ZNF326: variants seen among roughly 807,000 people sequenced by gnomAD.
The protein encoded by ZNF326 is DBIRD complex subunit ZNF326.
A neutral mutation model predicts 63.1 loss-of-function variants in ZNF326; 30 were observed. The observed-to-expected ratio is 0.48, with a 90% CI of 0.36 to 0.64. ZNF326 has a LOEUF of 0.64. Among genes scored for constraint, ZNF326 ranks in the 30% least tolerant of loss-of-function variants. ZNF326 has a pLI of 0.00. For synonymous variants in ZNF326, 194 were observed against 228.2 expected (o/e 0.85, Z 1.35); for missense variants, 609 against 720.3 (o/e 0.85, Z 1.77).
At position 90,033,370 on chromosome 1, in the gene ZNF326, A is replaced by G. The variant is rs1215644208; in HGVS notation, c.*5669A>G. ...AAAATACACAGCAAACTTAACAAGC[A>G]GAAAGAATTCCTGGGGAAACAATTC... On this transcript the variant is annotated 3_prime_UTR_variant, in exon 12 of 12. Coordinates refer to ENST00000340281, the MANE Select transcript of ZNF326 (RefSeq NM_182976.4). The G allele has an allele frequency of 6.6e-6, 1 of 152,184 alleles. No homozygotes were observed. Among genetic ancestry groups the G allele is most frequent in the African/African-American group, 2.4e-5 (1 of 41,462 alleles). The allele number at this position is 152,184 out of a possible 1,614,324, so 9.4% of individuals were successfully genotyped here.
intron 8 of ZNF326, 46 bp from the exon 9 acceptor site, chr1:90,018,639 A>G (rs764652207): frequency 1.2e-5 from 13 of 1,088,386 alleles, no homozygotes; most frequent in Middle Eastern, 2.0e-4. Context: ...ATTATACTTG[A>G]GTGCTCATTG....
At chr1:90,004,674 A>G (rs1648869920) in intron 2 of ZNF326, among the ~76,000 whole-genome samples, 2 of 152,134 alleles carry the variant, frequency 1.3e-5, no homozygotes, top group Non-Finnish European at 2.9e-5. Context: ...AACACGGTGA[A>G]AGCCCATCTC....
At chr1:90,003,154 C>T (rs540970300) in intron 2 of ZNF326, among the ~76,000 whole-genome samples, 7 of 144,262 alleles carry the variant, frequency 4.9e-5, no homozygotes, top group South Asian at 2.2e-4. Context: ...TTCTTTGAGA[C>T]GGGTCTCACT....
rs115632508 is a variant in ZNF326, at chr1:90,023,702, T to G, written c.1401+1357T>G. On this transcript the variant is annotated intron_variant, in intron 11 of 11. Transcript: ENST00000340281. Reference sequence around the variant, plus strand: ...CTTCTGAGAAAGTGGTTTCTATTGATGTATGAAGATAATTTTTAATGAGGG... The same window carrying G: ...CTTCTGAGAAAGTGGTTTCTATTGAGGTATGAAGATAATTTTTAATGAGGG... 4.7e-3 allele frequency among the ~76,000 whole-genome samples: 710 copies of G among 152,312 alleles called. 6 individuals carry two copies. The highest frequency in any genetic ancestry group is 0.017 in the African/African-American group (692 of 41,574).
intron 11 of ZNF326, among the ~76,000 whole-genome samples, chr1:90,025,015 G>T (rs1649947151): frequency 1.7e-5 from 2 of 117,658 alleles, no homozygotes; most frequent in Admixed American, 1.1e-4. Context: ...TCCTCAAATA[G>T]ACATGCTTAT....
rs1260004945 is a variant in ZNF326 at position 90,027,917 on chromosome 1, C to T, written c.*216C>T. The T allele has an allele frequency of 1.9e-6, 1 of 533,308 alleles. No individual in the cohort carries two copies. 33.0% of individuals were successfully genotyped at this position (533,308 alleles called of 1,614,324 possible). On this transcript the variant is annotated 3_prime_UTR_variant, in exon 12 of 12. Transcript: ENST00000340281. Reference sequence around the variant, plus strand: ...GTTTTTATAGCTACCAGACTTAGATCCGATAAATTGTTTGTATAATTTTTA... The same window carrying T: ...GTTTTTATAGCTACCAGACTTAGATTCGATAAATTGTTTGTATAATTTTTA...
Position 90,018,720 on chromosome 1 carries a change from T to C in ZNF326, c.1110T>C (p.Ile370=). 1 of 1,580,688 alleles carries C rather than the reference T, an allele frequency of 6.3e-7. No individual in the cohort carries two copies. The highest frequency in any genetic ancestry group is 8.6e-7 in the Non-Finnish European group (1 of 1,163,104). ...CMVNKFKKTS[I]RKQQTNNQTE... ...TGAATAAATTCAAGAAAACATCTAT[T>C]CGTAAGCAACAGACAAATAATCAAA... Residue 370 remains isoleucine, a synonymous_variant, in exon 9 of 12, where the codon ATT becomes ATC. Coordinates refer to ENST00000340281, the MANE Select transcript of ZNF326 (RefSeq NM_182976.4).
chr1:90,006,847 A>T (rs900016212), intron 4 of ZNF326, among the ~76,000 whole-genome samples: 4 of 152,180 alleles, frequency 2.6e-5, no homozygotes, highest in African/African-American at 9.7e-5. Context: ...GCAGTTTGTG[A>T]TATAGATTAT....
chr1:90,031,023 CACTTTGAGG>C lies in ZNF326; in HGVS notation c.*3325_*3333del, dbSNP rs1162056028. 6.6e-6 allele frequency: 1 copy of C among 152,176 alleles called. No homozygotes were observed. The highest frequency in any genetic ancestry group is 2.4e-5 in the African/African-American group (1 of 41,430). The allele number at this position is 152,176 out of a possible 1,614,324, so 9.4% of individuals were successfully genotyped here. A position where few individuals can be genotyped will look rare whatever the true frequency, so the allele number is the denominator to read the frequency against. On this transcript the variant is annotated 3_prime_UTR_variant, in exon 12 of 12. Coordinates refer to ENST00000340281, the MANE Select transcript of ZNF326 (RefSeq NM_182976.4). Reference sequence around the variant, plus strand: ...TTTTGAAGGTAGTGGTCAGTGATTGCACTTTGAGGACATTCATAGGGCCCTCATACAAAT... The same window carrying C: ...TTTTGAAGGTAGTGGTCAGTGATTGCACATTCATAGGGCCCTCATACAAAT...
chr1:90,004,761 T>C (rs1187707995), intron 2 of ZNF326, among the ~76,000 whole-genome samples: 1 of 149,232 alleles, frequency 6.7e-6, no homozygotes, highest in Non-Finnish European at 1.5e-5. Context: ...TATAGAACTT[T>C]TTAGTTGAAA....
intron 1 of ZNF326, 79 bp from the exon 2 acceptor site, chr1:89,998,030 GT>G: frequency 7.5e-7 from 1 of 1,335,800 alleles, no homozygotes; most frequent in Middle Eastern, 2.0e-4. Context: ...AATTGTGCTT[GT>G]TTTTTACTGG....
chr1:90,013,406 G>C (rs1450905312), intron 7 of ZNF326, among the ~76,000 whole-genome samples, 169 bp downstream of exon 7: 1 of 152,054 alleles, frequency 6.6e-6, no homozygotes, highest in Non-Finnish European at 1.5e-5. Context: ...TCACTACTTA[G>C]AAAACATAAG....
chr1:90,032,072 C>A lies in ZNF326; in HGVS notation c.*4371C>A, dbSNP rs1650302346. The A allele has an allele frequency of 6.6e-6, 1 of 152,200 alleles. No homozygotes were observed. The highest frequency in any genetic ancestry group is 2.4e-5 in the African/African-American group (1 of 41,430). The allele number at this position is 152,200 out of a possible 1,614,324, so 9.4% of individuals were successfully genotyped here. ...AATCTGCAAGGCTGAAGGGCAGATT[C>A]TTGGCAATGGTAAATTCAGTAGGTC... On this transcript the variant is annotated 3_prime_UTR_variant, in exon 12 of 12. Transcript: ENST00000340281.
intron 11 of ZNF326, among the ~76,000 whole-genome samples, chr1:90,025,438 C>G (rs1208122944): frequency 1.3e-5 from 2 of 152,122 alleles, no homozygotes; most frequent in Non-Finnish European, 1.5e-5. Context: ...CTAGGCCACA[C>G]CCAGCTAATT....
In ZNF326 at chr1:90,010,614, A is replaced by G. The variant is rs548501089; in HGVS notation, c.814+328A>G. Among the ~76,000 whole-genome samples the G allele has an allele frequency of 9.8e-5, 15 of 152,298 alleles. 1 individual carries two copies. Among genetic ancestry groups the G allele is most frequent in the African/African-American group, 3.6e-4 (15 of 41,592 alleles). Reference sequence around the variant, plus strand: ...CCAGTGAATGGTAATGCCAGTATTTATTCCAGAGCAAGTCATGCTCTAGAA... The same window carrying G: ...CCAGTGAATGGTAATGCCAGTATTTGTTCCAGAGCAAGTCATGCTCTAGAA... On this transcript the variant is annotated intron_variant, in intron 6 of 11. Coordinates refer to ENST00000340281, the MANE Select transcript of ZNF326 (RefSeq NM_182976.4).
At chr1:90,006,636 G>A (rs545195275) in intron 4 of ZNF326, among the ~76,000 whole-genome samples, 2 of 152,258 alleles carry the variant, frequency 1.3e-5, no homozygotes, top group Admixed American at 1.3e-4. Flanking sequence ...CATCTGCCTT[G>A]AAAATTCATA....
intron 7 of ZNF326, among the ~76,000 whole-genome samples, chr1:90,014,935 A>T (rs1034933615): frequency 3.9e-5 from 6 of 152,174 alleles, no homozygotes; most frequent in Non-Finnish European, 8.8e-5. Flanking sequence ...TACTTTTCTC[A>T]TGAAAAATTT....
At position 90,035,070 on chromosome 1, in the gene ZNF326, A is replaced by G. The variant is rs1216868879; in HGVS notation, c.*7369A>G. ...AACACATTCCAGATTTAAATTTTTC[A>G]GGCTGAGAATAGAATAAAGCCTTTG... On this transcript the variant is annotated 3_prime_UTR_variant, in exon 12 of 12. Transcript: ENST00000340281. The G allele has an allele frequency of 6.6e-6, 1 of 152,224 alleles. No individual in the cohort carries two copies. Among genetic ancestry groups the G allele is most frequent in the Non-Finnish European group, 1.5e-5 (1 of 68,030 alleles). The allele number at this position is 152,224 out of a possible 1,614,324, so 9.4% of individuals were successfully genotyped here. A position where few individuals can be genotyped will look rare whatever the true frequency, so the allele number is the denominator to read the frequency against.
intron 2 of ZNF326, among the ~76,000 whole-genome samples, chr1:90,004,499 G>A (rs1271906572): frequency 1.3e-5 from 2 of 152,148 alleles, no homozygotes; most frequent in African/African-American, 4.8e-5. Context: ...ATATGCTATA[G>A]TACTTAATAC....
Sources: gnomAD v4.1 joint callset for allele counts (sites outside exome capture counted in the v4.1 genomes callset) on GRCh38, gnomAD v4.1.1 for gene constraint, MANE v1.5 for transcripts, NCBI Gene and HGNC (gene_info 2026-07-23, HGNC 2026-07-21) for gene names.